SLC12A3: variants seen among roughly 807,000 people sequenced by gnomAD.
SLC12A3 encodes the protein solute carrier family 12 member 3, also known as Na-Cl cotransporter.
A neutral mutation model predicts 121.0 loss-of-function variants in SLC12A3; 104 were observed. That is an observed-to-expected ratio of 0.86 (90% CI 0.73 to 1.01). SLC12A3 has a LOEUF of 1.01. Ranked by LOEUF, SLC12A3 falls within the 50% of genes least tolerant of loss-of-function variation. SLC12A3 has a pLI of 0.00. For synonymous variants in SLC12A3, 536 were observed against 533.4 expected, an observed-to-expected ratio of 1.00 and a Z score of -0.07; for missense variants, 1,328 against 1,356.3, an observed-to-expected ratio of 0.98 and a Z score of 0.33.
chr16:56,902,531 G>GGGGGGGGGC, intron 24 of SLC12A3, 23 bp downstream of exon 24: 67 of 714,266 alleles, frequency 9.4e-5, no homozygotes, highest in East Asian at 2.1e-4. Flanking sequence ...GTGGGGGTGG[G>GGGGGGGGGC]AAACGCGACA....
Position 56,868,379 on chromosome 16 carries a change from G to A in SLC12A3, c.505+7G>A, listed in dbSNP as rs1171345607. ...ACGGCCCAGGCAGGCATCGGTGAGT[G>A]CCCCTCTGGGGAAGAGGAGGGAGGG... On this transcript the variant is annotated splice_region_variant and intron_variant, in intron 3 of 25. Transcript: ENST00000563236. 3 of 1,610,554 alleles carry A rather than the reference G, an allele frequency of 1.9e-6. No homozygotes were observed. The highest frequency in any genetic ancestry group is 2.5e-6 in the Non-Finnish European group (3 of 1,178,466).
intron 25 of SLC12A3, among the ~76,000 whole-genome samples, chr16:56,909,963 C>A (rs2055663797): frequency 6.6e-6 from 1 of 152,210 alleles, no homozygotes; most frequent in Non-Finnish European, 1.5e-5. Flanking sequence ...AGCTCAGCTA[C>A]CCCAGCACAG....
intron 8 of SLC12A3, among the ~76,000 whole-genome samples, chr16:56,877,220 C>T (rs150486727): frequency 0.015 from 2,325 of 151,986 alleles, 54 homozygotes; most frequent in Non-Finnish European, 0.02. Flanking sequence ...GGTGAAACCC[C>T]GTCTCTACTA....
At chr16:56,879,759 A>G (rs573284723) in intron 11 of SLC12A3, 110 bp downstream of exon 11, 1 of 800,438 alleles carries the variant, frequency 1.2e-6, no homozygotes, top group South Asian at 1.4e-5. Context: ...GTGTCATTAG[A>G]CTGGGGTCTC....
At chr16:56,908,161 C>CTTTTTTTTTTTTTT (rs55644914) in intron 25 of SLC12A3, among the ~76,000 whole-genome samples, 2 of 96,990 alleles carry the variant, frequency 2.1e-5, no homozygotes, top group Admixed American at 1.2e-4. Flanking sequence ...AGTGATATAA[C>CTTTTTTTTTTTTTT]TTTTTTTTTT....
intron 23 of SLC12A3, among the ~76,000 whole-genome samples, chr16:56,901,806 C>A (rs1237581191): frequency 4.6e-5 from 7 of 152,206 alleles, no homozygotes; most frequent in African/African-American, 1.7e-4. Context: ...CTTGCTCCAG[C>A]ACACAGGATC....
chr16:56,888,576 T>TTTTTTG (rs57186742), intron 18 of SLC12A3, among the ~76,000 whole-genome samples: 1 of 138,176 alleles, frequency 7.2e-6, no homozygotes, highest in Non-Finnish European at 1.6e-5. Flanking sequence ...TTTTTTTTTT[T>TTTTTTG]GAGACGGAGT....
At chr16:56,912,144 T>C (rs578248170) in intron 25 of SLC12A3, among the ~76,000 whole-genome samples, 8 of 152,314 alleles carry the variant, frequency 5.3e-5, no homozygotes, top group African/African-American at 7.2e-5. Context: ...GGGGATGTAC[T>C]TGGGGAAAAC....
At chr16:56,872,507 C>T in intron 7 of SLC12A3, 45 bp downstream of exon 7, 21 of 1,590,342 alleles carry the variant, frequency 1.3e-5, no homozygotes, top group Non-Finnish European at 1.7e-5. Flanking sequence ...GGGACAGGGA[C>T]TCTCTACCCA....
chr16:56,886,246 A>G lies in SLC12A3; in HGVS notation c.1926-118A>G, dbSNP rs369032710. On this transcript the variant is annotated intron_variant, in intron 15 of 25. Transcript: ENST00000563236. Reference sequence around the variant, plus strand: ...TAGGTGGGAAGCCGAGGCCCCAAGCATGTAGGGTCATGCTGGTGGCCACAC... The same window carrying G: ...TAGGTGGGAAGCCGAGGCCCCAAGCGTGTAGGGTCATGCTGGTGGCCACAC... 1.9e-4 allele frequency: 138 copies of G among 717,896 alleles called. No individual in the cohort carries two copies. In the East Asian group the frequency reaches 2.2e-3, roughly 12 times the overall value. The allele number at this position is 717,896 out of a possible 1,614,324, so 44.5% of individuals were successfully genotyped here.
intron 9 of SLC12A3, 112 bp downstream of exon 9, chr16:56,878,273 CAA>C: frequency 1.2e-6 from 1 of 814,328 alleles, no homozygotes; most frequent in Admixed American, 1.9e-5. Context: ...GACTCTCTAA[CAA>C]CAGGGAGAGC....
chr16:56,872,605 G>T, intron 7 of SLC12A3, 51 bp from the exon 8 acceptor site: 1 of 1,613,900 alleles, frequency 6.2e-7, no homozygotes, highest in Non-Finnish European at 8.5e-7. Context: ...TCCCAGCAAG[G>T]GGGGTCAAGC....
intron 21 of SLC12A3, among the ~76,000 whole-genome samples, 168 bp downstream of exon 21, chr16:56,893,222 G>A (rs1181863445): frequency 1.3e-5 from 2 of 152,186 alleles, no homozygotes; most frequent in Admixed American, 6.5e-5. Flanking sequence ...CTAGTTTTTT[G>A]GTTATAAAAT....
At chr16:56,895,858 T>A (rs920855051) in intron 22 of SLC12A3, among the ~76,000 whole-genome samples, 1 of 151,796 alleles carries the variant, frequency 6.6e-6, no homozygotes, top group African/African-American at 2.4e-5. Flanking sequence ...ATGGTTCCAT[T>A]TGGGAGTGAT....
intron 18 of SLC12A3, 30 bp downstream of exon 18, chr16:56,888,061 G>T (rs374479507): frequency 5.2e-6 from 8 of 1,549,264 alleles, no homozygotes; most frequent in South Asian, 1.1e-5. Context: ...GGGGCTTGGG[G>T]TCTGTTAATT....
chr16:56,883,279 CT>C (rs71152216), intron 13 of SLC12A3, among the ~76,000 whole-genome samples: 12,965 of 119,388 alleles, frequency 0.11, 409 homozygotes, highest in Middle Eastern at 0.16. Flanking sequence ...CTTTTTCTTT[CT>C]TTTTTTTTTT....
chr16:56,883,269 CTT>C (rs1224464898), intron 13 of SLC12A3, among the ~76,000 whole-genome samples: 1 of 143,072 alleles, frequency 7.0e-6, no homozygotes, highest in Non-Finnish European at 1.5e-5. Context: ...TTGAGGAAGA[CTT>C]TTTCTTTCTT....
At chr16:56,891,825 C>T (rs1023849559) in intron 19 of SLC12A3, among the ~76,000 whole-genome samples, 3 of 152,184 alleles carry the variant, frequency 2.0e-5, no homozygotes, top group African/African-American at 7.2e-5. Context: ...CAGCTCAGGG[C>T]GCACCCACCG....
chr16:56,891,949 G>A, intron 19 of SLC12A3, 134 bp from the exon 20 acceptor site: 1 of 757,522 alleles, frequency 1.3e-6, no homozygotes, highest in South Asian at 1.4e-5. Context: ...CCAAGGCCAG[G>A]TGCAGTGGGG....
Sources: allele counts gnomAD v4.1 joint callset (sites outside exome capture counted in the v4.1 genomes callset), GRCh38; gene constraint gnomAD v4.1.1; transcripts MANE v1.5; gene names NCBI Gene and HGNC (gene_info 2026-07-23, HGNC 2026-07-21).